PDE7B: variants seen among roughly 807,000 people sequenced by gnomAD.
The protein encoded by PDE7B is 3',5'-cyclic-AMP phosphodiesterase 7B.
Under a neutral mutation model 56.2 loss-of-function variants are expected in PDE7B, and 29 were observed. That is an observed-to-expected ratio of 0.52 (90% confidence interval 0.38 to 0.70). The LOEUF is 0.70. PDE7B is among the 30% of genes least tolerant of loss of function. PDE7B has a pLI of 0.00. For synonymous variants in PDE7B, 197 were observed against 196.9 expected (o/e 1.00, Z 0.00); for missense variants, 490 against 565.0 (o/e 0.87, Z 1.35).
At chr6:135,997,626 A>G (rs1775590219) in intron 2 of PDE7B, among the ~76,000 whole-genome samples, 1 of 152,072 alleles carries the variant, frequency 6.6e-6, no homozygotes, top group Non-Finnish European at 1.5e-5. Context: ...ATAACAATCT[A>G]CATGCCTATG....
At chr6:136,041,241 G>A (rs62429939) in intron 2 of PDE7B, among the ~76,000 whole-genome samples, 1 of 152,026 alleles carries the variant, frequency 6.6e-6, no homozygotes, top group Non-Finnish European at 1.5e-5. Context: ...TTATTTTTAC[G>A]CACCCTTCTT....
At chr6:135,931,606 T>A (rs528969831) in intron 1 of PDE7B, among the ~76,000 whole-genome samples, 1 of 152,196 alleles carries the variant, frequency 6.6e-6, no homozygotes, top group African/African-American at 2.4e-5. Context: ...TTCCCAGAAA[T>A]AAAAACAATG....
At chr6:135,919,496 A>G (rs1487790128) in intron 1 of PDE7B, among the ~76,000 whole-genome samples, 2 of 152,352 alleles carry the variant, frequency 1.3e-5, no homozygotes, top group African/African-American at 2.4e-5. Flanking sequence ...AGTCCCTACA[A>G]CCACATATAG....
chr6:136,049,554 A>C (rs894541771), intron 2 of PDE7B: 1 of 152,244 alleles, frequency 6.6e-6, no homozygotes, highest in African/African-American at 2.4e-5. Context: ...TCAGTACTCC[A>C]TGAGGATTGG....
intron 1 of PDE7B, among the ~76,000 whole-genome samples, chr6:135,928,477 A>ATATT (rs1562442880): frequency 9.1e-6 from 1 of 110,126 alleles, no homozygotes; most frequent in African/African-American, 3.4e-5. Flanking sequence ...ATTTATATAT[A>ATATT]TATATTTATT....
At chr6:136,002,092 G>A (rs954126487) in intron 2 of PDE7B, among the ~76,000 whole-genome samples, 2 of 152,154 alleles carry the variant, frequency 1.3e-5, no homozygotes, top group African/African-American at 4.8e-5. Flanking sequence ...TTCATATCCA[G>A]TGAAACTAAG....
rs145381402 is a variant in PDE7B, at chr6:136,179,463, G to C, written c.948+322G>C. 4.6e-5 allele frequency among the ~76,000 whole-genome samples: 7 copies of C among 152,312 alleles called. No individual in the cohort carries two copies. In the East Asian group the frequency reaches 1.4e-3, roughly 29 times the overall value. The stretch of plus-strand genomic sequence containing the variant: ...AGAGCAGTGACCTATTTTAGTAAAG[G>C]CTTTGAAATGCATGAAAGTTATAAG... On this transcript the variant is annotated intron_variant, in intron 10 of 12. Transcript: ENST00000308191.
At chr6:135,880,195 C>T (rs974308060) in intron 1 of PDE7B, among the ~76,000 whole-genome samples, 1 of 152,074 alleles carries the variant, frequency 6.6e-6, no homozygotes, top group Admixed American at 6.5e-5. Context: ...AGTTGCCTGA[C>T]AGTAAAACAG....
At chr6:136,101,314 G>C (rs1777557993) in intron 2 of PDE7B, among the ~76,000 whole-genome samples, 1 of 152,094 alleles carries the variant, frequency 6.6e-6, no homozygotes, top group African/African-American at 2.4e-5. Flanking sequence ...TTTTTCTATT[G>C]ATTGGAATAG....
At chr6:136,014,535 A>G (rs1775943562) in intron 2 of PDE7B, among the ~76,000 whole-genome samples, 1 of 152,198 alleles carries the variant, frequency 6.6e-6, no homozygotes, top group African/African-American at 2.4e-5. Flanking sequence ...TGCAAGCTGT[A>G]AGCTGGTTAT....
chr6:136,031,696 GC>G (rs1776249395), intron 2 of PDE7B, among the ~76,000 whole-genome samples: 2 of 136,266 alleles, frequency 1.5e-5, no homozygotes, highest in South Asian at 4.6e-4. Context: ...CCGAGATCCC[GC>G]CACTGCACTC....
At chr6:135,856,388 T>C (rs749507652) in intron 1 of PDE7B, among the ~76,000 whole-genome samples, 14 of 152,232 alleles carry the variant, frequency 9.2e-5, no homozygotes, top group Non-Finnish European at 1.9e-4. Flanking sequence ...CCAATCACTG[T>C]CCTGGATTTT....
intron 2 of PDE7B, among the ~76,000 whole-genome samples, chr6:136,073,090 CATTGATGG>C (rs1438371713): frequency 2.0e-5 from 3 of 152,100 alleles, no homozygotes; most frequent in African/African-American, 7.2e-5. Flanking sequence ...GGCTAAGGAG[CATTGATGG>C]AATATCTGAG....
intron 1 of PDE7B, among the ~76,000 whole-genome samples, chr6:135,903,071 A>G (rs1322428865): frequency 6.6e-6 from 1 of 152,212 alleles, no homozygotes; most frequent in Non-Finnish European, 1.5e-5. Flanking sequence ...CTAATCAAAA[A>G]GCATTTAATG....
chr6:136,170,853 C>T (rs1182064700), intron 8 of PDE7B, among the ~76,000 whole-genome samples: 1 of 152,110 alleles, frequency 6.6e-6, no homozygotes, highest in Non-Finnish European at 1.5e-5. Flanking sequence ...ACCCATTAAT[C>T]CATTAATCCA....
rs1360711257 is a variant in PDE7B, at chr6:136,193,988, G to A, written c.*2148G>A. The A allele has an allele frequency of 1.3e-5, 2 of 151,938 alleles. No individual in the cohort carries two copies. Among genetic ancestry groups the A allele is most frequent in the Admixed American group, 6.6e-5 (1 of 15,250 alleles). The allele number at this position is 151,938 out of a possible 1,614,324, so 9.4% of individuals were successfully genotyped here. On this transcript the variant is annotated 3_prime_UTR_variant, in exon 13 of 13. Coordinates refer to ENST00000308191, the MANE Select transcript of PDE7B (RefSeq NM_018945.4). ...ACACTAGCTTTGTATTTTTTTTTCTGTAAAACTGTGAACTGATATATTTTC... is the reference window on the plus strand; with the variant it reads ...ACACTAGCTTTGTATTTTTTTTTCTATAAAACTGTGAACTGATATATTTTC...
At chr6:135,869,608 T>C (rs1775334810) in intron 1 of PDE7B, among the ~76,000 whole-genome samples, 1 of 152,164 alleles carries the variant, frequency 6.6e-6, no homozygotes, top group Non-Finnish European at 1.5e-5. Context: ...AGTTACTACA[T>C]AGACTAGTAG....
intron 1 of PDE7B, among the ~76,000 whole-genome samples, chr6:135,889,819 C>G (rs1775778968): frequency 1.5e-5 from 2 of 133,218 alleles, no homozygotes; most frequent in African/African-American, 5.7e-5. Flanking sequence ...ATGACGCGAT[C>G]TCAGCTCACT....
intron 1 of PDE7B, among the ~76,000 whole-genome samples, chr6:135,862,738 A>G (rs1775174096): frequency 6.6e-6 from 1 of 151,656 alleles, no homozygotes. Flanking sequence ...CAGTTTTAGT[A>G]ATTTCTCATG....
Sources: allele counts gnomAD v4.1 joint callset (sites outside exome capture counted in the v4.1 genomes callset), GRCh38; gene constraint gnomAD v4.1.1; transcripts MANE v1.5; gene names NCBI Gene and HGNC (gene_info 2026-07-23, HGNC 2026-07-21).